The following L3MBTL4 variants were observed in gnomAD, a reference collection of about 807,000 sequenced individuals.
The protein encoded by L3MBTL4 is L3MBTL histone methyl-lysine binding protein 4, also known as lethal(3)malignant brain tumor-like protein 4.
In L3MBTL4, 70 loss-of-function variants were observed where a neutral mutation model predicts 84.5. The ratio of observed to expected loss-of-function variants is 0.83; its 90% confidence interval spans 0.68 to 1.01. The LOEUF is 1.01. Among genes scored for constraint, L3MBTL4 ranks in the 50% least tolerant of loss-of-function variants. L3MBTL4 has a pLI of 0.00. For synonymous variants in L3MBTL4, 274 were observed against 259.8 expected (o/e 1.05, Z -0.52); for missense variants, 715 against 754.8 (o/e 0.95, Z 0.62).
intron 14 of L3MBTL4, among the ~76,000 whole-genome samples, chr18:6,100,294 C>T (rs929445949): frequency 7.9e-5 from 12 of 152,180 alleles, no homozygotes; most frequent in Non-Finnish European, 1.2e-4. Context: ...ATACAAAATA[C>T]TAATTATCCC....
At chr18:6,241,330 G>C (rs1253221989) in intron 8 of L3MBTL4, 28 bp downstream of exon 8, 2 of 1,277,110 alleles carry the variant, frequency 1.6e-6, no homozygotes, top group Admixed American at 1.9e-5. Flanking sequence ...GGGGAAATTT[G>C]ATTTATGCTG....
chr18:5,973,986 A>G (rs992664623), intron 16 of L3MBTL4, among the ~76,000 whole-genome samples: 1 of 152,222 alleles, frequency 6.6e-6, no homozygotes, highest in African/African-American at 2.4e-5. Flanking sequence ...AATGAAATGT[A>G]TATGTAATAC....
chr18:6,077,769 G>A (rs575852765), intron 16 of L3MBTL4, among the ~76,000 whole-genome samples: 13 of 149,082 alleles, frequency 8.7e-5, no homozygotes, highest in Admixed American at 1.3e-4. Flanking sequence ...AGTGGCTCAC[G>A]CCTGTAATCC....
In L3MBTL4 at chr18:6,164,404, G is replaced by A. The variant is rs558009169; in HGVS notation, c.1096+7424C>T. 5.3e-5 allele frequency among the ~76,000 whole-genome samples: 8 copies of A among 152,340 alleles called. No homozygotes were observed. The South Asian group carries it at 1.7e-3, about 32-fold the overall frequency. On this transcript the variant is annotated intron_variant, in intron 13 of 18. Coordinates refer to ENST00000317931, the MANE Select transcript of L3MBTL4 (RefSeq NM_001330559.2). ...ATCCTCAAGTGGGTCCCTGACCCCC[G>A]AGTAGCCTAACTGGGAGGCACCCCC...
chr18:5,959,149 A>G (rs637285), intron 18 of L3MBTL4, among the ~76,000 whole-genome samples: 12,107 of 152,200 alleles, frequency 0.08, 699 homozygotes, highest in Middle Eastern at 0.16. Context: ...TCTGAACCTG[A>G]GAGAGGGAGA....
Position 5,955,004 on chromosome 18 carries a change from T to G in L3MBTL4, c.*1216A>C, listed in dbSNP as rs1025211778. The G allele has an allele frequency of 6.6e-6, 1 of 152,208 alleles. No individual in the cohort carries two copies. The highest frequency in any genetic ancestry group is 2.4e-5 in the African/African-American group (1 of 41,460). The allele number at this position is 152,208 out of a possible 1,614,324, so 9.4% of individuals were successfully genotyped here. A position where few individuals can be genotyped will look rare whatever the true frequency, so the allele number is the denominator to read the frequency against. On this transcript the variant is annotated 3_prime_UTR_variant, in exon 19 of 19. Coordinates refer to ENST00000317931, the MANE Select transcript of L3MBTL4 (RefSeq NM_001330559.2). ...TCAACTTTCTTAAACCTTAACATTCTTAATGAAGCAAGTGGACATAGAACC... is the reference window on the plus strand; with the variant it reads ...TCAACTTTCTTAAACCTTAACATTCGTAATGAAGCAAGTGGACATAGAACC...
At chr18:6,389,708 G>T (rs1599876401) in intron 1 of L3MBTL4, among the ~76,000 whole-genome samples, 1 of 151,870 alleles carries the variant, frequency 6.6e-6, no homozygotes, top group Non-Finnish European at 1.5e-5. Context: ...AGACAAAGAG[G>T]GACATTATAT....
chr18:6,313,336 G>A (rs542940380), intron 1 of L3MBTL4, among the ~76,000 whole-genome samples: 1 of 152,282 alleles, frequency 6.6e-6, no homozygotes, highest in Non-Finnish European at 1.5e-5. Flanking sequence ...CCTTTAGAAT[G>A]CTGTATGACT....
intron 5 of L3MBTL4, among the ~76,000 whole-genome samples, chr18:6,246,246 A>T (rs188945287): frequency 8.5e-5 from 13 of 152,224 alleles, no homozygotes; most frequent in Middle Eastern, 6.8e-3. Context: ...CTCCCATTTG[A>T]TCTAATCATT....
At chr18:6,109,475 G>T (rs567638404) in intron 14 of L3MBTL4, among the ~76,000 whole-genome samples, 3 of 152,082 alleles carry the variant, frequency 2.0e-5, no homozygotes, top group African/African-American at 4.8e-5. Context: ...TGTCCAGGAC[G>T]TCCCTGCCCC....
chr18:6,176,154 A>G (rs1411059331), intron 12 of L3MBTL4, among the ~76,000 whole-genome samples: 1 of 152,190 alleles, frequency 6.6e-6, no homozygotes, highest in Non-Finnish European at 1.5e-5. Context: ...ATTCAATTTA[A>G]TCCTACTCAA....
chr18:6,031,229 G>A (rs2055784673), intron 16 of L3MBTL4: 1 of 985,324 alleles, frequency 1.0e-6, no homozygotes, highest in Admixed American at 6.1e-5. Context: ...CTGTTTCAAA[G>A]GGGATTTTGT....
intron 4 of L3MBTL4, among the ~76,000 whole-genome samples, chr18:6,295,210 T>G (rs1337310531): frequency 1.3e-5 from 2 of 151,420 alleles, no homozygotes; most frequent in Non-Finnish European, 2.9e-5. Flanking sequence ...AGGCGGAAGT[T>G]GCAATGAGCC....
intron 10 of L3MBTL4, among the ~76,000 whole-genome samples, chr18:6,225,738 TAAA>T (rs772917830): frequency 2.6e-5 from 3 of 117,462 alleles, no homozygotes; most frequent in Admixed American, 9.2e-5. Context: ...CCAGCCTATC[TAAA>T]AAAAAAAAAA....
At chr18:6,223,188 A>G (rs1599219519) in intron 10 of L3MBTL4, among the ~76,000 whole-genome samples, 1 of 152,106 alleles carries the variant, frequency 6.6e-6, no homozygotes, top group Non-Finnish European at 1.5e-5. Flanking sequence ...ACCAATTATT[A>G]TAGCTTTATT....
intron 1 of L3MBTL4, among the ~76,000 whole-genome samples, chr18:6,398,439 A>G (rs1271426049): frequency 6.6e-6 from 1 of 152,162 alleles, no homozygotes; most frequent in African/African-American, 2.4e-5. Context: ...TCCTGGGTTC[A>G]AAATGCCAAC....
At chr18:6,106,362 GT>G in intron 14 of L3MBTL4, among the ~76,000 whole-genome samples, 1 of 152,346 alleles carries the variant, frequency 6.6e-6, no homozygotes, top group South Asian at 2.1e-4. Context: ...ATTGGTGGTT[GT>G]ATATGGAGAA....
chr18:5,958,826 C>A (rs2095247480), intron 18 of L3MBTL4, among the ~76,000 whole-genome samples: 1 of 152,198 alleles, frequency 6.6e-6, no homozygotes, highest in African/African-American at 2.4e-5. Flanking sequence ...GTTCAGCAAT[C>A]TGCCTAAAGT....
intron 16 of L3MBTL4, among the ~76,000 whole-genome samples, chr18:6,052,290 T>A (rs1290357927): frequency 6.6e-6 from 1 of 152,226 alleles, no homozygotes; most frequent in Non-Finnish European, 1.5e-5. Context: ...GTCGCATGGA[T>A]AAATACAATT....
Sources: allele counts gnomAD v4.1 joint callset (sites outside exome capture counted in the v4.1 genomes callset), GRCh38; gene constraint gnomAD v4.1.1; transcripts MANE v1.5; gene names NCBI Gene and HGNC (gene_info 2026-07-23, HGNC 2026-07-21).